Variants in LRRC53 observed in about 807,000 individuals in gnomAD.
LRRC53 encodes the protein leucine-rich repeat-containing protein 53.
In LRRC53, 25 loss-of-function variants were observed where a neutral mutation model predicts 13.6. That is an observed-to-expected ratio of 1.83 (90% CI 1.34 to 2.56). The LOEUF (loss-of-function observed/expected upper bound fraction) is 2.56, where lower values mean the gene tolerates loss of function less well. LRRC53 is among the 30% of genes most tolerant of loss of function. The pLI, the probability that LRRC53 is intolerant of heterozygous loss-of-function variation, is 0.00. For synonymous variants in LRRC53, 204 were observed against 109.8 expected, an observed-to-expected ratio of 1.86 and a Z score of -5.37; for missense variants, 527 against 275.8, an observed-to-expected ratio of 1.91 and a Z score of -6.45.
At chr1:74,472,743 TTAA>T in intron 4 of LRRC53, among the ~76,000 whole-genome samples, 2 of 152,178 alleles carry the variant, frequency 1.3e-5, no homozygotes, top group Non-Finnish European at 2.9e-5. Flanking sequence ...AAAATGTTCA[TTAA>T]ATATTTGTTA....
the LRRC53 span, among the ~76,000 whole-genome samples, chr1:74,534,222 CTT>C: frequency 0.51 from 77,751 of 151,676 alleles, 21,087 homozygotes; most frequent in East Asian, 0.72. Context: ...TAATTTCACT[CTT>C]AACTTTCAAG....
At chr1:74,478,332 G>T (rs1404803200) in intron 3 of LRRC53, among the ~76,000 whole-genome samples, 1 of 152,012 alleles carries the variant, frequency 6.6e-6, no homozygotes, top group African/African-American at 2.4e-5. Context: ...TAATTTATCA[G>T]AATTTATTCA....
chr1:74,484,981 A>G (rs1195098004), intron 1 of LRRC53, among the ~76,000 whole-genome samples: 1 of 152,136 alleles, frequency 6.6e-6, no homozygotes, highest in East Asian at 1.9e-4. Flanking sequence ...AGAGGTAAGC[A>G]TATTCCAGAT....
the LRRC53 span, among the ~76,000 whole-genome samples, chr1:74,534,833 G>T: frequency 6.6e-6 from 1 of 152,088 alleles, no homozygotes; most frequent in Non-Finnish European, 1.5e-5. Flanking sequence ...TGTGAAAGTG[G>T]TTTCTCTACA....
At chr1:74,516,548 G>A (rs1458735986), upstream of LRRC53, among the ~76,000 whole-genome samples, 1 of 151,914 alleles carries the variant, frequency 6.6e-6, no homozygotes, top group Non-Finnish European at 1.5e-5. Flanking sequence ...TATGAGGCAG[G>A]GAGCAATAGA....
At chr1:74,528,184 G>A in the LRRC53 span, among the ~76,000 whole-genome samples, 1 of 152,198 alleles carries the variant, frequency 6.6e-6, no homozygotes, top group South Asian at 2.1e-4. Flanking sequence ...AGGCTAAGAA[G>A]GACATGGGCA....
intron 1 of LRRC53, among the ~76,000 whole-genome samples, chr1:74,486,169 A>T (rs554448715): frequency 3.3e-5 from 5 of 149,436 alleles, no homozygotes; most frequent in Admixed American, 2.0e-4. Context: ...CCTAAAATGC[A>T]GAAGTGGTCT....
At chr1:74,524,856 G>A in the LRRC53 span, among the ~76,000 whole-genome samples, 1 of 152,236 alleles carries the variant, frequency 6.6e-6, no homozygotes, top group African/African-American at 2.4e-5. Flanking sequence ...TGAGATGCAT[G>A]CCACTGCAGG....
At chr1:74,481,146 T>C (rs533647785) in intron 2 of LRRC53, among the ~76,000 whole-genome samples, 178 bp from the exon 3 acceptor site, 39 of 152,340 alleles carry the variant, frequency 2.6e-4, no homozygotes, top group South Asian at 2.5e-3. Flanking sequence ...AAGCTGGCTA[T>C]ATATCAAAAT....
intron 1 of LRRC53, among the ~76,000 whole-genome samples, chr1:74,502,553 C>T (rs933065742): frequency 2.6e-5 from 4 of 152,192 alleles, no homozygotes; most frequent in African/African-American, 9.7e-5. Flanking sequence ...TTTGCCAACA[C>T]CAGAACGTTA....
rs1204768299 is a variant in LRRC53, at chr1:74,475,401, T to G, written c.1314A>C (p.Ala438=). Residue 438 remains alanine, a synonymous_variant, in exon 4 of 5, where the codon GCA becomes GCC. Coordinates refer to ENST00000294635, the MANE Select transcript of LRRC53 (RefSeq NM_001382280.1). ...TTGGATTATATGTTGTAAGTAAGCC[T>G]GCTTCATTAAAAGCTCTCATATTTC... ...PPGNMRAFNE[A]GLLTTYNPRK... 1.4e-6 allele frequency: 1 copy of G among 717,186 alleles called. No individual in the cohort carries two copies. Among genetic ancestry groups the G allele is most frequent in the South Asian group, 1.5e-5 (1 of 67,578 alleles). The allele number at this position is 717,186 out of a possible 1,614,324, so 44.4% of individuals were successfully genotyped here. A position where few individuals can be genotyped will look rare whatever the true frequency, so the allele number is the denominator to read the frequency against.
chr1:74,520,488 T>C, the LRRC53 span, among the ~76,000 whole-genome samples: 16 of 152,112 alleles, frequency 1.1e-4, no homozygotes, highest in African/African-American at 3.6e-4. Context: ...TCCATCCATC[T>C]GTTTCCCTGT....
intron 1 of LRRC53, among the ~76,000 whole-genome samples, chr1:74,512,231 C>T (rs1452872773): frequency 6.6e-6 from 1 of 152,124 alleles, no homozygotes; most frequent in Non-Finnish European, 1.5e-5. Context: ...TGTACAGACT[C>T]AAACATGGAG....
At chr1:74,518,625 C>T in the LRRC53 span, among the ~76,000 whole-genome samples, 2 of 152,150 alleles carry the variant, frequency 1.3e-5, no homozygotes, top group African/African-American at 2.4e-5. Context: ...CTGGGGAGCA[C>T]ACTGTCAGTG....
intron 1 of LRRC53, among the ~76,000 whole-genome samples, chr1:74,502,353 T>C (rs1014897114): frequency 1.3e-5 from 2 of 152,184 alleles, no homozygotes; most frequent in Non-Finnish European, 2.9e-5. Context: ...CATGATGCCA[T>C]TGAATTCAAC....
At chr1:74,532,190 A>T in the LRRC53 span, among the ~76,000 whole-genome samples, 2 of 152,112 alleles carry the variant, frequency 1.3e-5, no homozygotes, top group South Asian at 2.1e-4. Context: ...AGTTTAGTGC[A>T]TGTGTATCTC....
At chr1:74,507,953 GC>G (rs1283951077) in intron 1 of LRRC53, among the ~76,000 whole-genome samples, 1 of 152,188 alleles carries the variant, frequency 6.6e-6, no homozygotes, top group Non-Finnish European at 1.5e-5. Flanking sequence ...AACCAAAGAT[GC>G]TGAAAAGCAA....
intron 1 of LRRC53, among the ~76,000 whole-genome samples, chr1:74,497,399 C>A (rs929920292): frequency 1.3e-5 from 2 of 152,010 alleles, no homozygotes; most frequent in African/African-American, 2.4e-5. Context: ...TTCTTCCAAT[C>A]TTTCTATCCT....
At chr1:74,511,302 C>G (rs745933637) in intron 1 of LRRC53, among the ~76,000 whole-genome samples, 5 of 152,026 alleles carry the variant, frequency 3.3e-5, no homozygotes, top group Non-Finnish European at 7.4e-5. Context: ...AAGCAATTCT[C>G]GTGCCTCAGG....
Sources: allele counts gnomAD v4.1 joint callset (sites outside exome capture counted in the v4.1 genomes callset), GRCh38; gene constraint gnomAD v4.1.1; transcripts MANE v1.5; gene names NCBI Gene and HGNC (gene_info 2026-07-23, HGNC 2026-07-21).